PEPD: variants seen among roughly 807,000 people sequenced by gnomAD.
PEPD encodes peptidase D.
Under a neutral mutation model 60.7 loss-of-function variants are expected in PEPD, and 53 were observed. The ratio of observed to expected loss-of-function variants is 0.87; its 90% confidence interval spans 0.70 to 1.10. PEPD has a LOEUF of 1.10. Among genes scored for constraint, PEPD ranks in the 50% least tolerant of loss-of-function variants. The pLI is 0.00. For missense variants in PEPD, 711 were observed against 711.9 expected, an observed-to-expected ratio of 1.00 and a Z score of 0.01; for synonymous variants, 267 against 284.1, an observed-to-expected ratio of 0.94 and a Z score of 0.60.
intron 9 of PEPD, among the ~76,000 whole-genome samples, chr19:33,415,797 T>C (rs918135782): frequency 5.9e-5 from 9 of 152,140 alleles, no homozygotes; most frequent in South Asian, 2.1e-4. Context: ...CACTGTTCCA[T>C]AGGAAGGAGT....
chr19:33,439,490 G>A (rs546784524), intron 9 of PEPD, among the ~76,000 whole-genome samples: 10 of 152,370 alleles, frequency 6.6e-5, no homozygotes, highest in African/African-American at 2.2e-4. Flanking sequence ...AGGCCAGGGC[G>A]GGCTGGCCTC....
rs928643351 is a variant in PEPD, at chr19:33,422,340, A to T, written c.672-8697T>A. On this transcript the variant is annotated intron_variant, in intron 9 of 14. Coordinates refer to ENST00000244137, the MANE Select transcript of PEPD (RefSeq NM_000285.4). The stretch of plus-strand genomic sequence containing the variant: ...GTTTATCTAGCTATCCCATCAATCA[A>T]TCAATCAATCATCTGCCTATATCTA... Among the ~76,000 whole-genome samples, 5 of 152,020 alleles carry T rather than the reference A, an allele frequency of 3.3e-5. No individual in the cohort carries two copies. The South Asian group carries it at 8.3e-4, about 25-fold the overall frequency.
chr19:33,457,902 G>A (rs1032870013), intron 9 of PEPD, among the ~76,000 whole-genome samples: 3 of 152,164 alleles, frequency 2.0e-5, no homozygotes, highest in African/African-American at 7.2e-5. Flanking sequence ...AATGCAGCAA[G>A]GATTTTGCAA....
intron 9 of PEPD, among the ~76,000 whole-genome samples, chr19:33,450,282 C>T (rs1361266387): frequency 6.6e-6 from 1 of 152,240 alleles, no homozygotes; most frequent in African/African-American, 2.4e-5. Flanking sequence ...CTGGTCCTCC[C>T]AGACAGCTGG....
intron 7 of PEPD, among the ~76,000 whole-genome samples, chr19:33,470,530 T>C (rs1455052940): frequency 1.3e-5 from 2 of 152,072 alleles, no homozygotes; most frequent in African/African-American, 2.4e-5. Context: ...GCTAAATCCC[T>C]TCTCTGTGTT....
chr19:33,490,149 T>C, intron 5 of PEPD, 92 bp from the exon 6 acceptor site: 1 of 851,094 alleles, frequency 1.2e-6, no homozygotes. Flanking sequence ...TCAGGACAGG[T>C]AAGAACAGGA....
intron 12 of PEPD, among the ~76,000 whole-genome samples, chr19:33,396,754 G>A (rs913733358): frequency 6.6e-6 from 1 of 152,088 alleles, no homozygotes; most frequent in Non-Finnish European, 1.5e-5. Flanking sequence ...TGGGAGGCGA[G>A]GCTACAGGAG....
At chr19:33,430,823 G>A (rs143563727) in intron 9 of PEPD, among the ~76,000 whole-genome samples, 6,081 of 152,190 alleles carry the variant, frequency 0.04, 313 homozygotes, top group Admixed American at 0.16. Context: ...AGCTGCCACC[G>A]AGGACGACAC....
chr19:33,417,045 C>T (rs1468616501), intron 9 of PEPD, among the ~76,000 whole-genome samples: 1 of 152,196 alleles, frequency 6.6e-6, no homozygotes, highest in Non-Finnish European at 1.5e-5. Context: ...CTCCTGCCCT[C>T]AGAAGTTTAT....
chr19:33,498,302 G>A (rs1970646484), intron 4 of PEPD, among the ~76,000 whole-genome samples: 3 of 152,226 alleles, frequency 2.0e-5, no homozygotes, highest in Middle Eastern at 3.4e-3. Flanking sequence ...CTGAAGCCTC[G>A]ACAATCTGCT....
rs140024368 is a variant in PEPD, at chr19:33,445,152, C to T, written c.671+17843G>A. On this transcript the variant is annotated intron_variant, in intron 9 of 14. Coordinates refer to ENST00000244137, the MANE Select transcript of PEPD (RefSeq NM_000285.4). ...GCTTCGAGGATTAAATGGATCTTGT[C>T]CCTCATTTAACTACACACATGCAGA... Among the ~76,000 whole-genome samples, 1,220 of 152,308 alleles carry T rather than the reference C, an allele frequency of 8.0e-3. 16 individuals are homozygous for T. Among genetic ancestry groups the T allele is most frequent in the African/African-American group, 0.027 (1,125 of 41,556 alleles).
chr19:33,493,189 T>C (rs1276756671), intron 5 of PEPD, 101 bp downstream of exon 5: 1 of 856,462 alleles, frequency 1.2e-6, no homozygotes, highest in Non-Finnish European at 2.0e-6. Flanking sequence ...CTCCGTTTTT[T>C]AATCCTCCCC....
chr19:33,440,310 G>C (rs899460186), intron 9 of PEPD, among the ~76,000 whole-genome samples: 1 of 152,076 alleles, frequency 6.6e-6, no homozygotes, highest in Non-Finnish European at 1.5e-5. Flanking sequence ...ACCCAGCCCT[G>C]ATGGGCTGCT....
intron 1 of PEPD, among the ~76,000 whole-genome samples, chr19:33,521,274 T>G (rs574058679): frequency 1.3e-5 from 2 of 152,190 alleles, no homozygotes; most frequent in African/African-American, 4.8e-5. Context: ...AAAAGTGGGA[T>G]AGATGGTTAG....
Position 33,409,258 on chromosome 19 carries a change from C to A in PEPD, c.818+2414G>T, listed in dbSNP as rs554271733. Among the ~76,000 whole-genome samples, 37 of 152,394 alleles carry A rather than the reference C, an allele frequency of 2.4e-4. No homozygotes were observed. The East Asian group carries it at 6.2e-3, about 25-fold the overall frequency. ...TCTGGCACAGGGCTCTCCAGCCACC[C>A]AGAAGTGCCCCCTGGACTGTGGGGA... is the stretch of plus-strand genomic sequence containing the variant. On this transcript the variant is annotated intron_variant, in intron 11 of 14. Transcript: ENST00000244137.
At chr19:33,411,524 C>G in intron 11 of PEPD, 148 bp downstream of exon 11, 2 of 687,438 alleles carry the variant, frequency 2.9e-6, no homozygotes, top group Non-Finnish European at 5.3e-6. Flanking sequence ...ATAGCCTTGG[C>G]AGAGAAGTCT....
intron 11 of PEPD, among the ~76,000 whole-genome samples, chr19:33,410,141 G>A (rs1027027257): frequency 3.3e-5 from 5 of 152,224 alleles, no homozygotes; most frequent in South Asian, 2.1e-4. Flanking sequence ...AAGGCCCAGC[G>A]CGCAGTGGGT....
chr19:33,511,646 G>A (rs1399880076), intron 2 of PEPD: 10 of 220,900 alleles, frequency 4.5e-5, no homozygotes, highest in Non-Finnish European at 2.7e-5. Context: ...CTAAAAGGAC[G>A]TCATAAAGGT....
intron 9 of PEPD, among the ~76,000 whole-genome samples, chr19:33,423,945 G>T (rs1199864878): frequency 6.6e-5 from 10 of 152,162 alleles, no homozygotes; most frequent in Admixed American, 6.5e-4. Context: ...AATGAACCTA[G>T]AATTTATTGT....
Sources: allele counts gnomAD v4.1 joint callset (sites outside exome capture counted in the v4.1 genomes callset), GRCh38; gene constraint gnomAD v4.1.1; transcripts MANE v1.5; gene names NCBI Gene and HGNC (gene_info 2026-07-23, HGNC 2026-07-21).